The following PCCA variants were observed in gnomAD, a reference collection of about 807,000 sequenced individuals.
PCCA encodes the protein propionyl-CoA carboxylase subunit alpha.
Under a neutral mutation model 101.3 loss-of-function variants are expected in PCCA, and 74 were observed. That is an observed-to-expected ratio of 0.73 (90% CI 0.61 to 0.89). The LOEUF is 0.89. Among genes scored for constraint, PCCA ranks in the 40% least tolerant of loss-of-function variants. The pLI is 0.00. For missense variants in PCCA, 891 were observed against 907.0 expected (o/e 0.98, Z 0.23); for synonymous variants, 294 against 313.6 (o/e 0.94, Z 0.66).
intron 7 of PCCA, among the ~76,000 whole-genome samples, chr13:100,233,051 A>G (rs1006498002): frequency 1.3e-5 from 2 of 152,192 alleles, no homozygotes; most frequent in Non-Finnish European, 2.9e-5. Flanking sequence ...TTTTCTTATT[A>G]AAACACCACC....
At chr13:100,296,731 C>T (rs749527694) in intron 12 of PCCA, among the ~76,000 whole-genome samples, 1 of 152,196 alleles carries the variant, frequency 6.6e-6, no homozygotes, top group Non-Finnish European at 1.5e-5. Flanking sequence ...TGGCCCTTTA[C>T]TCCTAAATAT....
chr13:100,183,062 C>G (rs2056944067), intron 6 of PCCA, among the ~76,000 whole-genome samples: 1 of 152,042 alleles, frequency 6.6e-6, no homozygotes, highest in South Asian at 2.1e-4. Flanking sequence ...GTGGTTAACT[C>G]TGGTAGGTTG....
chr13:100,109,139 A>C (rs893908388), intron 2 of PCCA, among the ~76,000 whole-genome samples: 2 of 152,254 alleles, frequency 1.3e-5, no homozygotes, highest in African/African-American at 2.4e-5. Context: ...GCCATAGCTA[A>C]TGCTGAATGA....
chr13:100,220,446 G>A (rs1178635778), intron 7 of PCCA, among the ~76,000 whole-genome samples: 1 of 82,778 alleles, frequency 1.2e-5, no homozygotes, highest in African/African-American at 4.7e-5. Flanking sequence ...TTTTTTTTTT[G>A]GTATTTCTAG....
chr13:100,373,253 TA>T (rs1482541131), intron 19 of PCCA, among the ~76,000 whole-genome samples: 1 of 152,132 alleles, frequency 6.6e-6, no homozygotes, highest in Non-Finnish European at 1.5e-5. Context: ...TCCCACCCGT[TA>T]GAATGGCTAG....
intron 7 of PCCA, among the ~76,000 whole-genome samples, chr13:100,216,987 T>TAATC (rs2059557027): frequency 1.3e-5 from 2 of 151,882 alleles, no homozygotes; most frequent in South Asian, 4.2e-4. Context: ...CAGGTGCCTG[T>TAATC]AATCCCAGCT....
intron 19 of PCCA, among the ~76,000 whole-genome samples, chr13:100,415,226 G>C (rs2078286103): frequency 8.1e-6 from 1 of 124,146 alleles, no homozygotes; most frequent in Non-Finnish European, 1.6e-5. Flanking sequence ...CACATAGTGA[G>C]ACCACACCTC....
chr13:100,259,321 A>G (rs980942147), intron 9 of PCCA, among the ~76,000 whole-genome samples: 1 of 145,326 alleles, frequency 6.9e-6, no homozygotes, highest in Non-Finnish European at 1.5e-5. Context: ...TTTTTTAAAA[A>G]TGTAATGGTT....
intron 16 of PCCA, among the ~76,000 whole-genome samples, chr13:100,317,400 A>G (rs2067485166): frequency 6.6e-6 from 1 of 152,170 alleles, no homozygotes; most frequent in African/African-American, 2.4e-5. Flanking sequence ...TTTCTGATGT[A>G]TACCATCGAA....
chr13:100,316,723 A>T (rs1250475174), intron 16 of PCCA, among the ~76,000 whole-genome samples: 2 of 152,186 alleles, frequency 1.3e-5, no homozygotes, highest in Non-Finnish European at 2.9e-5. Flanking sequence ...TAGGCTATAA[A>T]CATGAAAGCC....
intron 7 of PCCA, among the ~76,000 whole-genome samples, chr13:100,228,537 A>C (rs1023421899): frequency 6.6e-6 from 1 of 152,106 alleles, no homozygotes; most frequent in African/African-American, 2.4e-5. Context: ...TTTTTCTTCA[A>C]ATATTGCCAA....
intron 20 of PCCA, among the ~76,000 whole-genome samples, chr13:100,434,412 T>G (rs1173933795): frequency 6.6e-6 from 1 of 152,114 alleles, no homozygotes; most frequent in Non-Finnish European, 1.5e-5. Context: ...ATATTGGGTC[T>G]CTCAGAATTT....
At position 100,187,001 on chromosome 13, in the gene PCCA, A is replaced by G. The variant is rs552931422; in HGVS notation, c.469-22331A>G. ...AAACATATGTAACATGTAGTAGCTTATGTAAACATTAGTGTTAGATTAGAT... is the reference window on the plus strand; with the variant it reads ...AAACATATGTAACATGTAGTAGCTTGTGTAAACATTAGTGTTAGATTAGAT... On this transcript the variant is annotated intron_variant, in intron 6 of 23. Transcript: ENST00000376285. 1.8e-4 allele frequency among the ~76,000 whole-genome samples: 28 copies of G among 152,366 alleles called. No homozygotes were observed. In the South Asian group the frequency reaches 5.2e-3, roughly 28 times the overall value.
intron 16 of PCCA, among the ~76,000 whole-genome samples, chr13:100,318,794 C>T (rs372897561): frequency 2.0e-5 from 3 of 152,032 alleles, no homozygotes; most frequent in Non-Finnish European, 4.4e-5. Flanking sequence ...ATAAACATAA[C>T]GTGTGCATGT....
intron 11 of PCCA, among the ~76,000 whole-genome samples, chr13:100,270,647 A>G (rs1284783466): frequency 1.3e-5 from 2 of 152,206 alleles, no homozygotes; most frequent in African/African-American, 2.4e-5. Flanking sequence ...CATCATTAAT[A>G]CTGACCTGAT....
At chr13:100,504,336 T>G (rs143768708) in intron 21 of PCCA, among the ~76,000 whole-genome samples, 207 of 152,286 alleles carry the variant, frequency 1.4e-3, no homozygotes, top group Admixed American at 3.5e-3. Flanking sequence ...CATATGAGAA[T>G]TGAATAGAAG....
rs141135861 is a variant in PCCA at position 100,226,982 on chromosome 13, C to T, written c.601-8860C>T. Among the ~76,000 whole-genome samples, 16 of 152,274 alleles carry T rather than the reference C, an allele frequency of 1.1e-4. No individual in the cohort carries two copies. The South Asian group carries it at 2.1e-3, about 20-fold the overall frequency. Reference sequence around the variant, plus strand: ...ACAGTCACAGAAGCAGTATTGGAGCCCAAGCCTTCTGGCATAGCGCCTGTG... The same window carrying T: ...ACAGTCACAGAAGCAGTATTGGAGCTCAAGCCTTCTGGCATAGCGCCTGTG... On this transcript the variant is annotated intron_variant, in intron 7 of 23. Coordinates refer to ENST00000376285, the MANE Select transcript of PCCA (RefSeq NM_000282.4).
At chr13:100,256,738 C>A (rs1024314134) in intron 8 of PCCA, among the ~76,000 whole-genome samples, 1 of 152,130 alleles carries the variant, frequency 6.6e-6, no homozygotes, top group African/African-American at 2.4e-5. Context: ...GCTCACTGAG[C>A]TCTTTTTTCT....
intron 16 of PCCA, among the ~76,000 whole-genome samples, chr13:100,321,873 T>C (rs554839031): frequency 1.3e-5 from 2 of 152,166 alleles, no homozygotes; most frequent in South Asian, 4.2e-4. Context: ...ATTTTCCATA[T>C]GGTTGTGGAT....
Sources: allele counts gnomAD v4.1 joint callset (sites outside exome capture counted in the v4.1 genomes callset), GRCh38; gene constraint gnomAD v4.1.1; transcripts MANE v1.5; gene names NCBI Gene and HGNC (gene_info 2026-07-23, HGNC 2026-07-21).